The following CUX1 variants were observed in gnomAD, a reference collection of about 807,000 sequenced individuals.
The protein encoded by CUX1 is cut like homeobox 1.
Under a neutral mutation model 158.8 loss-of-function variants are expected in CUX1, and 31 were observed. That is an observed-to-expected ratio of 0.20 (90% CI 0.15 to 0.26). The LOEUF is 0.26. Among genes scored for constraint, CUX1 ranks in the 10% least tolerant of loss-of-function variants. The probability of loss-of-function intolerance (pLI) is 1.00; values close to 1 mark genes in which losing one functional copy is unlikely to be tolerated. For synonymous variants in CUX1, 879 were observed against 862.1 expected, an observed-to-expected ratio of 1.02 and a Z score of -0.34; for missense variants, 1,589 against 2,014.6, an observed-to-expected ratio of 0.79 and a Z score of 4.04.
intron 16 of CUX1, among the ~76,000 whole-genome samples, chr7:102,275,085 C>A (rs1258279340): frequency 6.6e-6 from 1 of 152,144 alleles, no homozygotes; most frequent in Non-Finnish European, 1.5e-5. Flanking sequence ...GCTGTCCCCT[C>A]CCCTTCCCCG....
intron 2 of CUX1, among the ~76,000 whole-genome samples, chr7:102,000,593 C>T (rs1279143195): frequency 3.3e-5 from 5 of 152,172 alleles, no homozygotes; most frequent in South Asian, 2.1e-4. Flanking sequence ...AGCCAGATCC[C>T]GTGGGCACGT....
intron 1 of CUX1, among the ~76,000 whole-genome samples, chr7:101,838,890 A>G (rs536339816): frequency 6.6e-6 from 1 of 152,156 alleles, no homozygotes; most frequent in Non-Finnish European, 1.5e-5. Flanking sequence ...GTGGCTTCAC[A>G]TATTTACACA....
chr7:102,117,532 A>G (rs1370594272), intron 8 of CUX1, among the ~76,000 whole-genome samples: 1 of 151,992 alleles, frequency 6.6e-6, no homozygotes, highest in Non-Finnish European at 1.5e-5. Context: ...TAGAGACTGA[A>G]GGTGAGGGCC....
chr7:102,200,592 C>G (rs148680515), intron 17 of CUX1, among the ~76,000 whole-genome samples: 12,161 of 152,124 alleles, frequency 0.08, 730 homozygotes, highest in African/African-American at 0.16. Context: ...CCTCCCACCT[C>G]GGCCTCCCAC....
chr7:101,916,461 C>G lies in CUX1; in HGVS notation c.141+236C>G. 1 of 415,506 alleles carries G rather than the reference C, an allele frequency of 2.4e-6. No individual in the cohort carries two copies. The highest frequency in any genetic ancestry group is 4.6e-6 in the Non-Finnish European group (1 of 218,094). 25.7% of individuals were successfully genotyped at this position (415,506 alleles called of 1,614,324 possible). On this transcript the variant is annotated intron_variant, in intron 2 of 23. Transcript: ENST00000292535. This position sits in a 1 kb window ranked among gnomAD's most constrained non-coding sequence, Gnocchi z 4.4. ...GAAATATGAAAGTCAGAGCCAATTC[C>G]AGGTGCAGATACTGGACAAGCTTGG...
intron 1 of CUX1, among the ~76,000 whole-genome samples, chr7:101,844,606 C>G (rs1325204886): frequency 1.3e-5 from 2 of 151,862 alleles, no homozygotes; most frequent in Non-Finnish European, 2.9e-5. Flanking sequence ...TCCTTGTCAT[C>G]GTTCTTCTTT....
At chr7:102,055,177 A>AT (rs1823992047) in intron 3 of CUX1, among the ~76,000 whole-genome samples, 1 of 151,460 alleles carries the variant, frequency 6.6e-6, no homozygotes, top group Admixed American at 6.6e-5. Flanking sequence ...ATTCGTAAGT[A>AT]TTTTATACTT....
At chr7:102,154,600 C>CTAAATAAA (rs1836048047) in intron 8 of CUX1, 1 of 124,752 alleles carries the variant, frequency 8.0e-6, no homozygotes, top group African/African-American at 3.7e-5. Flanking sequence ...CAGCTTGTCT[C>CTAAATAAA]CAAATAAATA....
chr7:101,893,378 A>C (rs1801108454), intron 1 of CUX1, among the ~76,000 whole-genome samples: 2 of 151,942 alleles, frequency 1.3e-5, no homozygotes, highest in South Asian at 4.2e-4. Context: ...TCCTTTTAAA[A>C]TTTTAATCTA....
intron 2 of CUX1, among the ~76,000 whole-genome samples, chr7:101,992,055 C>A (rs202161): frequency 0.16 from 24,124 of 152,154 alleles, 2,366 homozygotes; most frequent in East Asian, 0.32. Context: ...TTAATCTAGA[C>A]TTTGTTTACA....
intron 2 of CUX1, among the ~76,000 whole-genome samples, chr7:101,994,569 C>G (rs995722469): frequency 5.9e-5 from 9 of 152,202 alleles, no homozygotes; most frequent in African/African-American, 2.2e-4. Flanking sequence ...CCATTGCACT[C>G]TAGCCTGGGT....
In CUX1 at chr7:101,882,449, C is replaced by T. The variant is rs568997889; in HGVS notation, c.31-33666C>T. Reference sequence around the variant, plus strand: ...GAAATAAAATGAAAATTTGTGATGACGATCAGCTACTGTCAGTGTGACTTA... The same window carrying T: ...GAAATAAAATGAAAATTTGTGATGATGATCAGCTACTGTCAGTGTGACTTA... On this transcript the variant is annotated intron_variant, in intron 1 of 23. Coordinates refer to ENST00000292535, the MANE Select transcript of CUX1 (RefSeq NM_181552.4). Among the ~76,000 whole-genome samples the T allele has an allele frequency of 7.9e-5, 12 of 152,028 alleles. No individual in the cohort carries two copies. The East Asian group carries it at 2.1e-3, about 27-fold the overall frequency.
At chr7:102,247,962 C>G (rs898789585) in intron 23 of CUX1, among the ~76,000 whole-genome samples, 1 of 152,190 alleles carries the variant, frequency 6.6e-6, no homozygotes, top group Non-Finnish European at 1.5e-5. Flanking sequence ...GAAACCCCAT[C>G]TCTTCTAAAA....
intron 8 of CUX1, among the ~76,000 whole-genome samples, chr7:102,142,172 G>A (rs150110224): frequency 1.1e-4 from 16 of 152,262 alleles, no homozygotes; most frequent in Non-Finnish European, 2.1e-4. Flanking sequence ...TTTGTGCAGC[G>A]CAGGAGGCAG....
intron 9 of CUX1, among the ~76,000 whole-genome samples, chr7:102,159,075 C>T (rs1192603422): frequency 7.4e-6 from 1 of 135,014 alleles, no homozygotes; most frequent in African/African-American, 2.8e-5. Context: ...AGACATCTCA[C>T]CACGGTGTTA....
chr7:101,986,439 G>C (rs984841950), intron 2 of CUX1, among the ~76,000 whole-genome samples: 8 of 152,182 alleles, frequency 5.3e-5, no homozygotes, highest in South Asian at 2.1e-4. Context: ...AAACCTGTTC[G>C]TCTCATGACT....
chr7:102,174,501 A>G (rs1393642039), intron 10 of CUX1, among the ~76,000 whole-genome samples: 1 of 151,956 alleles, frequency 6.6e-6, no homozygotes, highest in African/African-American at 2.4e-5. Context: ...CCATCACCCT[A>G]TGGACTGACA....
intron 20 of CUX1, among the ~76,000 whole-genome samples, chr7:102,213,499 C>G (rs1409965920): frequency 3.3e-5 from 5 of 152,232 alleles, no homozygotes; most frequent in Admixed American, 2.0e-4. Context: ...CCGTCGCTTT[C>G]CCTGGACCCT....
intron 2 of CUX1, among the ~76,000 whole-genome samples, chr7:101,950,986 CT>C (rs1808992354): frequency 6.6e-6 from 1 of 152,164 alleles, no homozygotes; most frequent in Admixed American, 6.6e-5. Context: ...TATCTGCCCC[CT>C]GGAGGAGTTT....
Sources: allele counts gnomAD v4.1 joint callset (sites outside exome capture counted in the v4.1 genomes callset), GRCh38; gene constraint gnomAD v4.1.1; non-coding constraint Gnocchi (gnomAD v3.1); transcripts MANE v1.5; gene names NCBI Gene and HGNC (gene_info 2026-07-23, HGNC 2026-07-21).